The following SENP5 variants were observed in gnomAD, a reference collection of about 807,000 sequenced individuals.
The protein encoded by SENP5 is sentrin-specific protease 5.
SENP5 carries 21 observed loss-of-function variants against 74.2 expected under a neutral mutation model. The observed-to-expected ratio is 0.28, with a 90% CI of 0.20 to 0.41. The LOEUF is 0.41. SENP5 is among the 10% of genes least tolerant of loss of function. SENP5 has a pLI of 1.00. For synonymous variants in SENP5, 311 were observed against 312.7 expected (o/e 0.99, Z 0.06); for missense variants, 717 against 889.1 (o/e 0.81, Z 2.46).
chr3:196,902,838 G>A (rs6583187), intron 5 of SENP5, among the ~76,000 whole-genome samples: 101,519 of 152,030 alleles, frequency 0.67, 34,867 homozygotes, highest in Non-Finnish European at 0.75. Context: ...GCCTTTTTAT[G>A]GTTACTGTAA....
intron 6 of SENP5, among the ~76,000 whole-genome samples, chr3:196,909,050 A>G (rs1418403597): frequency 6.6e-6 from 1 of 152,194 alleles, no homozygotes; most frequent in East Asian, 1.9e-4. Context: ...AGAATCAAAT[A>G]GACACAATAA....
At chr3:196,899,825 T>C in intron 3 of SENP5, 54 bp downstream of exon 3, 1 of 1,566,924 alleles carries the variant, frequency 6.4e-7, no homozygotes, top group Non-Finnish European at 8.7e-7. Flanking sequence ...TTGGCATATA[T>C]GACTTTTCTC....
In SENP5 at chr3:196,930,962, G is replaced by A. The variant is rs749081501; in HGVS notation, c.*39G>A. 6.1e-6 allele frequency: 8 copies of A among 1,309,924 alleles called. No homozygotes were observed. The highest frequency in any genetic ancestry group is 1.2e-5 in the South Asian group (1 of 84,550). 81.1% of individuals were successfully genotyped at this position (1,309,924 alleles called of 1,614,324 possible). On this transcript the variant is annotated 3_prime_UTR_variant, in exon 10 of 10. Coordinates refer to ENST00000323460, the MANE Select transcript of SENP5 (RefSeq NM_152699.5). ...CTCTGGGAAGTCTGACCAAGTTGGA[G>A]CAGATGGTTTGTTACTTGAATCTCC...
chr3:196,869,684 C>T (rs939387883), intron 1 of SENP5, among the ~76,000 whole-genome samples: 2 of 126,974 alleles, frequency 1.6e-5, no homozygotes, highest in Non-Finnish European at 3.1e-5. Context: ...AGCTTGAACC[C>T]GGGAGGCGAG....
intron 6 of SENP5, among the ~76,000 whole-genome samples, chr3:196,915,186 C>T (rs773296030): frequency 4.6e-5 from 7 of 152,188 alleles, no homozygotes; most frequent in East Asian, 3.9e-4. Context: ...TCTTTTGGCA[C>T]GTCCTGGCAC....
chr3:196,930,707 G>A (rs1716003315), intron 9 of SENP5, 106 bp from the exon 10 acceptor site: 2 of 732,240 alleles, frequency 2.7e-6, no homozygotes, highest in Admixed American at 2.2e-5. Flanking sequence ...AAAAGGTTGG[G>A]GTCTTCTGCC....
At chr3:196,874,845 C>CTCCAG (rs547994082) in intron 1 of SENP5, among the ~76,000 whole-genome samples, 6 of 152,008 alleles carry the variant, frequency 3.9e-5, no homozygotes, top group Non-Finnish European at 7.4e-5. Flanking sequence ...TGCCATTGTA[C>CTCCAG]TCCAGCCTGG....
At chr3:196,918,920 GAC>G (rs1346312986) in intron 6 of SENP5, among the ~76,000 whole-genome samples, 1 of 152,124 alleles carries the variant, frequency 6.6e-6, no homozygotes, top group Non-Finnish European at 1.5e-5. Flanking sequence ...ATTAAAAAGA[GAC>G]AAGGTCATTA....
At chr3:196,915,000 A>G (rs1184776688) in intron 6 of SENP5, among the ~76,000 whole-genome samples, 1 of 152,182 alleles carries the variant, frequency 6.6e-6, no homozygotes, top group Non-Finnish European at 1.5e-5. Flanking sequence ...GGAATACAAC[A>G]CAGGGCAGAA....
intron 2 of SENP5, among the ~76,000 whole-genome samples, chr3:196,887,637 TA>T (rs934322090): frequency 1.4e-4 from 21 of 152,262 alleles, no homozygotes; most frequent in African/African-American, 5.1e-4. Flanking sequence ...TAAAAATGTT[TA>T]ATTGCTGATT....
chr3:196,929,538 T>A, intron 8 of SENP5, 95 bp from the exon 9 acceptor site: 1 of 731,854 alleles, frequency 1.4e-6, no homozygotes, highest in Non-Finnish European at 2.3e-6. Flanking sequence ...GAGAAAAGTT[T>A]CCTATCTTTT....
chr3:196,902,878 A>C (rs1714754760), intron 5 of SENP5, among the ~76,000 whole-genome samples: 1 of 152,178 alleles, frequency 6.6e-6, no homozygotes, highest in African/African-American at 2.4e-5. Context: ...CACATCCTTC[A>C]CATGGAGTTA....
At chr3:196,907,640 A>G (rs1464137595) in intron 6 of SENP5, among the ~76,000 whole-genome samples, 2 of 152,212 alleles carry the variant, frequency 1.3e-5, no homozygotes, top group African/African-American at 2.4e-5. Context: ...TCCTTCCTCT[A>G]GATCAGGGGT....
intron 6 of SENP5, among the ~76,000 whole-genome samples, chr3:196,919,843 TC>T (rs1715538586): frequency 6.6e-6 from 1 of 152,086 alleles, no homozygotes; most frequent in Non-Finnish European, 1.5e-5. Context: ...AGTATACTTT[TC>T]TTTTCCAATT....
At chr3:196,872,463 G>A (rs2108802522) in intron 1 of SENP5, among the ~76,000 whole-genome samples, 1 of 152,126 alleles carries the variant, frequency 6.6e-6, no homozygotes, top group South Asian at 2.1e-4. Context: ...TATACTTAGG[G>A]AAAGGCTGGA....
chr3:196,915,877 T>G (rs1715348263), intron 6 of SENP5, among the ~76,000 whole-genome samples: 1 of 152,348 alleles, frequency 6.6e-6, no homozygotes, highest in Non-Finnish European at 1.5e-5. Flanking sequence ...ACGGCTGCAG[T>G]GACCAAAGAC....
At chr3:196,914,586 A>AAAAAAAATATATAT in intron 6 of SENP5, 9 of 33,500 alleles carry the variant, frequency 2.7e-4, no homozygotes, top group African/African-American at 1.3e-3. Flanking sequence ...AAAAAAAAAA[A>AAAAAAAATATATAT]ATATATATAT....
At chr3:196,875,735 T>A (rs903755186) in intron 1 of SENP5, among the ~76,000 whole-genome samples, 7 of 152,116 alleles carry the variant, frequency 4.6e-5, no homozygotes, top group Admixed American at 3.9e-4. Context: ...TTATTTTATT[T>A]TTTTATTTTT....
chr3:196,868,280 T>C (rs1222353304), intron 1 of SENP5, among the ~76,000 whole-genome samples: 2 of 152,208 alleles, frequency 1.3e-5, no homozygotes, highest in Non-Finnish European at 2.9e-5. Context: ...GAGGGGCCGC[T>C]GCCCTGCGCT....
Sources: allele counts gnomAD v4.1 joint callset (sites outside exome capture counted in the v4.1 genomes callset), GRCh38; gene constraint gnomAD v4.1.1; transcripts MANE v1.5; gene names NCBI Gene and HGNC (gene_info 2026-07-23, HGNC 2026-07-21).